TULP4: variants seen among roughly 807,000 people sequenced by gnomAD.
The protein encoded by TULP4 is tubby-related protein 4.
In TULP4, 16 loss-of-function variants were observed where a neutral mutation model predicts 129.0. The observed-to-expected ratio is 0.12, with a 90% confidence interval of 0.08 to 0.19. The LOEUF is 0.19. Ranked by LOEUF, TULP4 falls within the 10% of genes least tolerant of loss-of-function variation. The pLI is 1.00. For synonymous variants in TULP4, 998 were observed against 854.0 expected (o/e 1.17, Z -2.94); for missense variants, 1,842 against 2,059.1 (o/e 0.89, Z 2.04).
intron 11 of TULP4, among the ~76,000 whole-genome samples, chr6:158,495,137 C>T (rs1780304375): frequency 6.6e-6 from 1 of 151,866 alleles, no homozygotes; most frequent in Non-Finnish European, 1.5e-5. Flanking sequence ...CTCACTGCAG[C>T]CTTGACCTGG....
At position 158,503,214 on chromosome 6, in the gene TULP4, G is replaced by C. The variant is rs756809181; in HGVS notation, c.3551G>C (p.Gly1184Ala). ...PASPTATFQT[G>A]YGMGVPYPGS... ...AGCCCCACTGCCACTTTCCAAACAG[G>C]CTATGGGATGGGAGTGCCATATCCA... The change falls in exon 13 of 14, where the codon GGC (glycine) becomes GCC (alanine). Residue 1184 changes from glycine (G) to alanine (A), a missense_variant. Gly to Ala is a moderately conservative substitution (Grantham distance 60, BLOSUM62 0). This residue lies in a region of TULP4 where 1,089 missense variants were observed against 987.1 expected (regional missense o/e 1.10). Transcript: ENST00000367097. The surrounding 1 kb of genome is among the most constrained non-coding windows in gnomAD (Gnocchi z 4.3). 46 of 1,613,972 alleles carry C rather than the reference G, an allele frequency of 2.9e-5. No individual in the cohort carries two copies. Among genetic ancestry groups the C allele is most frequent in the Non-Finnish European group, 3.8e-5 (45 of 1,180,032 alleles).
intron 1 of TULP4, among the ~76,000 whole-genome samples, chr6:158,388,461 C>A (rs1447965284): frequency 6.7e-6 from 1 of 149,662 alleles, no homozygotes; most frequent in Non-Finnish European, 1.5e-5. Context: ...TCCTGAGTAG[C>A]TGAGACTAGA....
chr6:158,311,230 C>T (rs946425251), upstream of TULP4, among the ~76,000 whole-genome samples: 15 of 152,280 alleles, frequency 9.9e-5, no homozygotes, highest in African/African-American at 3.4e-4. Flanking sequence ...AATGCGAACA[C>T]CTGGGCCCTT....
In TULP4 at chr6:158,325,224, A is replaced by G. The variant is rs112622878; in HGVS notation, c.252+10956A>G. On this transcript the variant is annotated intron_variant, in intron 1 of 13. Coordinates refer to ENST00000367097, the MANE Select transcript of TULP4 (RefSeq NM_020245.5). ...TTGACAGCACTGGCTATGCTTAATC[A>G]ATTATGGAAATAATAGTCTTAAAGA... Among the ~76,000 whole-genome samples the G allele has an allele frequency of 2.1e-3, 327 of 152,342 alleles. 2 individuals are homozygous for G. Among genetic ancestry groups the G allele is most frequent in the Non-Finnish European group, 3.4e-3 (232 of 68,036 alleles).
chr6:158,333,788 G>C (rs9355650), intron 1 of TULP4, among the ~76,000 whole-genome samples: 142,252 of 152,312 alleles, frequency 0.93, 66,503 homozygotes, highest in Admixed American at 0.96. Context: ...TCATTTACTG[G>C]CTACCCTAAA....
upstream of TULP4, among the ~76,000 whole-genome samples, chr6:158,279,178 G>T (rs1015098797): frequency 8.8e-4 from 134 of 152,022 alleles, 1 homozygote; most frequent in African/African-American, 3.0e-3. Flanking sequence ...TCCTGACCTC[G>T]TGATCCGCCT....
intron 1 of TULP4, among the ~76,000 whole-genome samples, chr6:158,365,563 G>A (rs370330143): frequency 2.2e-4 from 32 of 147,970 alleles, no homozygotes; most frequent in Non-Finnish European, 3.4e-4. Flanking sequence ...TGCAAGCTCC[G>A]CCTCGCAGGT....
intron 2 of TULP4, among the ~76,000 whole-genome samples, chr6:158,423,633 TTTG>T (rs56085300): frequency 0.48 from 71,613 of 150,626 alleles, 18,292 homozygotes; most frequent in African/African-American, 0.68. Context: ...GTTTTTGTTT[TTTG>T]TTGTTGTTGT....
At position 158,490,789 on chromosome 6, in the gene TULP4, C is replaced by CTT. The variant is rs74809679; in HGVS notation, c.1631+1069_1631+1070dup. Among the ~76,000 whole-genome samples the CTT allele has an allele frequency of 3.1e-3, 436 of 142,834 alleles. 1 individual carries two copies. Among genetic ancestry groups the CTT allele is most frequent in the African/African-American group, 0.01 (411 of 39,154 alleles). The allele number at this position is 142,834 out of a possible 152,430, so 93.7% of individuals were successfully genotyped here. On this transcript the variant is annotated intron_variant, in intron 9 of 13. Coordinates refer to ENST00000367097, the MANE Select transcript of TULP4 (RefSeq NM_020245.5). ...CGATATGTTCCCTTTGTATCTGGCT[C>CTT]TTTTTTTTTTTTTGCTCAGTGTAAT...
chr6:158,492,349 G>C (rs1780235435), intron 9 of TULP4, among the ~76,000 whole-genome samples: 1 of 152,112 alleles, frequency 6.6e-6, no homozygotes, highest in South Asian at 2.1e-4. Context: ...CATGCTTATG[G>C]ATTAATTTTT....
At chr6:158,357,673 C>T (rs945163691) in intron 1 of TULP4, among the ~76,000 whole-genome samples, 3 of 152,166 alleles carry the variant, frequency 2.0e-5, no homozygotes, top group African/African-American at 4.8e-5. Flanking sequence ...CCTCTGATGC[C>T]GAGGCCTGGC....
upstream of TULP4, among the ~76,000 whole-genome samples, chr6:158,278,960 G>A (rs1199933747): frequency 1.1e-4 from 15 of 134,098 alleles, no homozygotes; most frequent in African/African-American, 4.0e-4. Context: ...TTTTTTTTGA[G>A]ACGGAGTCTC....
chr6:158,356,664 T>C (rs893361513), intron 1 of TULP4, among the ~76,000 whole-genome samples: 5 of 152,210 alleles, frequency 3.3e-5, no homozygotes, highest in Admixed American at 2.0e-4. Flanking sequence ...TCATCTTTTA[T>C]ACATTGAGGG....
intron 3 of TULP4, among the ~76,000 whole-genome samples, chr6:158,436,109 G>A (rs978607337): frequency 4.6e-5 from 7 of 152,074 alleles, no homozygotes; most frequent in African/African-American, 1.7e-4. Context: ...TAAAGACGGG[G>A]TTGGCTAGGC....
At chr6:158,358,256 G>T (rs1341943717) in intron 1 of TULP4, among the ~76,000 whole-genome samples, 1 of 152,174 alleles carries the variant, frequency 6.6e-6, no homozygotes, top group East Asian at 1.9e-4. Flanking sequence ...ACTTTGTTAA[G>T]ATAATGAAAC....
intron 1 of TULP4, among the ~76,000 whole-genome samples, chr6:158,333,447 G>A (rs777627420): frequency 1.3e-5 from 2 of 152,178 alleles, no homozygotes; most frequent in Non-Finnish European, 2.9e-5. Context: ...CTAGCCTCCA[G>A]AACTGTGAGA....
At chr6:158,378,303 T>C (rs1247368563) in intron 1 of TULP4, among the ~76,000 whole-genome samples, 1 of 152,170 alleles carries the variant, frequency 6.6e-6, no homozygotes, top group Non-Finnish European at 1.5e-5. Context: ...AGATGAATTG[T>C]GACCATTTTT....
Position 158,313,840 on chromosome 6 carries a change from A to G in TULP4, c.-177A>G. 3 of 670,432 alleles carry G rather than the reference A, an allele frequency of 4.5e-6. No homozygotes were observed. Among genetic ancestry groups the G allele is most frequent in the Non-Finnish European group, 7.3e-6 (3 of 411,158 alleles). 41.5% of individuals were successfully genotyped at this position (670,432 alleles called of 1,614,324 possible). A position where few individuals can be genotyped will look rare whatever the true frequency, so the allele number is the denominator to read the frequency against. On this transcript the variant is annotated 5_prime_UTR_variant, in exon 1 of 14. Coordinates refer to ENST00000367097, the MANE Select transcript of TULP4 (RefSeq NM_020245.5). The stretch of plus-strand genomic sequence containing the variant: ...TTATAGAGGAATTTTTTCACTATGC[A>G]TTCGGTGGATCTTTATAAAATACTG...
chr6:158,327,489 T>C (rs1389714790), intron 1 of TULP4, among the ~76,000 whole-genome samples: 1 of 152,248 alleles, frequency 6.6e-6, no homozygotes, highest in East Asian at 1.9e-4. Flanking sequence ...AAGTTTTACA[T>C]GTTTGACTTT....
Sources: allele counts gnomAD v4.1 joint callset (sites outside exome capture counted in the v4.1 genomes callset), GRCh38; gene constraint gnomAD v4.1.1; regional missense constraint gnomAD v4.1.1; non-coding constraint Gnocchi (gnomAD v3.1); transcripts MANE v1.5; gene names NCBI Gene and HGNC (gene_info 2026-07-23, HGNC 2026-07-21).